The following DLC1 variants were observed in gnomAD, a reference collection of about 807,000 sequenced individuals.
DLC1 encodes the protein rho GTPase-activating protein 7.
DLC1 carries 54 observed loss-of-function variants against 140.3 expected under a neutral mutation model. That is an observed-to-expected ratio of 0.38 (90% CI 0.31 to 0.48). The LOEUF (loss-of-function observed/expected upper bound fraction) is 0.48. DLC1 is among the 20% of genes least tolerant of loss of function. The pLI, the probability that DLC1 is intolerant of heterozygous loss-of-function variation, is 0.96. For missense variants in DLC1, 2,536 were observed against 1,907.0 expected (o/e 1.33, Z -6.14); for synonymous variants, 986 against 728.1 (o/e 1.35, Z -5.70).
chr8:13,359,395 G>T (rs1309551978), intron 4 of DLC1, among the ~76,000 whole-genome samples: 2 of 152,146 alleles, frequency 1.3e-5, no homozygotes, highest in Non-Finnish European at 2.9e-5. Context: ...GGGCAAATGG[G>T]TCTTACTTCA....
chr8:13,154,511 G>A (rs576763193), intron 5 of DLC1, among the ~76,000 whole-genome samples: 1 of 152,302 alleles, frequency 6.6e-6, no homozygotes, highest in East Asian at 1.9e-4. Flanking sequence ...TGCCGAGCCC[G>A]AGCCCATCCG....
intron 4 of DLC1, among the ~76,000 whole-genome samples, chr8:13,306,897 A>T (rs2117528363): frequency 6.6e-6 from 1 of 151,714 alleles, no homozygotes; most frequent in East Asian, 1.9e-4. Context: ...CAGCCTGACT[A>T]GCATGGTGAA....
At chr8:13,180,575 C>T (rs972866459) in intron 5 of DLC1, among the ~76,000 whole-genome samples, 2 of 152,092 alleles carry the variant, frequency 1.3e-5, no homozygotes, top group African/African-American at 4.8e-5. Flanking sequence ...CAATAACTTT[C>T]ACCGAGAAGC....
At chr8:13,345,768 A>C (rs543479811) in intron 4 of DLC1, among the ~76,000 whole-genome samples, 4 of 151,996 alleles carry the variant, frequency 2.6e-5, no homozygotes, top group African/African-American at 9.7e-5. Flanking sequence ...CATGTTGGCC[A>C]GGCTGGTCTC....
intron 5 of DLC1, among the ~76,000 whole-genome samples, chr8:13,218,505 T>C (rs1381837869): frequency 1.3e-5 from 2 of 151,930 alleles, no homozygotes; most frequent in African/African-American, 4.8e-5. Flanking sequence ...TGATAATGCC[T>C]AACATACATG....
intron 1 of DLC1, among the ~76,000 whole-genome samples, chr8:13,581,319 T>G (rs755989977): frequency 2.0e-5 from 3 of 152,212 alleles, no homozygotes; most frequent in Non-Finnish European, 2.9e-5. Flanking sequence ...CGGAACCATT[T>G]GCTTCTAAAT....
chr8:13,285,314 A>C (rs1439001509), intron 5 of DLC1, among the ~76,000 whole-genome samples: 1 of 152,186 alleles, frequency 6.6e-6, no homozygotes, highest in Non-Finnish European at 1.5e-5. Flanking sequence ...GTTATCAACA[A>C]CTGGGGTGCT....
chr8:13,305,064 C>A, intron 5 of DLC1: 1 of 1,226,660 alleles, frequency 8.2e-7, no homozygotes. Flanking sequence ...ATATCTTATT[C>A]TAACACAATG....
rs1838386270 is a variant in DLC1, at chr8:13,422,990, A to G, written c.1024-21371T>C. Among the ~76,000 whole-genome samples, 4 of 152,200 alleles carry G rather than the reference A, an allele frequency of 2.6e-5. 1 individual carries two copies. In the South Asian group the frequency reaches 8.3e-4, roughly 31 times the overall value. ...ATGGTGTGATGGGAAATCACAGGGC[A>G]TAGACATATTAACAAAATAGGTGTA... On this transcript the variant is annotated intron_variant, in intron 2 of 17. Coordinates refer to ENST00000276297, the MANE Select transcript of DLC1 (RefSeq NM_182643.3).
intron 12 of DLC1, among the ~76,000 whole-genome samples, chr8:13,094,112 A>G (rs1818305498): frequency 6.6e-6 from 1 of 152,230 alleles, no homozygotes. Context: ...ATTTCTGTAG[A>G]CAAGGTGGAG....
rs767412109 is a variant in DLC1, at chr8:13,091,300, A to G, written c.3855+18T>C. ...CACATTATCCTTAATAAAGGAGCCA[A>G]ACTTCTCAATTCCTTACCTGGAAAA... On this transcript the variant is annotated intron_variant, in intron 14 of 17. Coordinates refer to ENST00000276297, the MANE Select transcript of DLC1 (RefSeq NM_182643.3). The G allele has an allele frequency of 2.5e-6, 4 of 1,613,330 alleles. No individual in the cohort carries two copies. The East Asian group carries it at 6.7e-5, about 27-fold the overall frequency.
In DLC1 at chr8:13,492,648, A is replaced by G. The variant is rs1801310808; in HGVS notation, c.1023+6401T>C. 1.3e-5 allele frequency among the ~76,000 whole-genome samples: 2 copies of G among 152,062 alleles called. 1 individual carries two copies. On this transcript the variant is annotated intron_variant, in intron 2 of 17. Coordinates refer to ENST00000276297, the MANE Select transcript of DLC1 (RefSeq NM_182643.3). ...GTGACTAGATGCTTTGCAATGGAAT[A>G]AAGTCTGCTAACTGGCTCATGGTGG...
At chr8:13,171,163 A>G (rs1825450897) in intron 5 of DLC1, among the ~76,000 whole-genome samples, 1 of 152,206 alleles carries the variant, frequency 6.6e-6, no homozygotes, top group Non-Finnish European at 1.5e-5. Context: ...TTGCAATTAG[A>G]GATTTGGGCA....
chr8:13,136,613 G>A (rs930167260), intron 5 of DLC1, among the ~76,000 whole-genome samples: 2 of 152,172 alleles, frequency 1.3e-5, no homozygotes, highest in Non-Finnish European at 2.9e-5. Flanking sequence ...ATCCCACTGA[G>A]GACAAGAGGA....
At position 13,499,349 on chromosome 8, in the gene DLC1, A is replaced by T. The variant is rs182488013; in HGVS notation, c.723T>A (p.Pro241=). Reference sequence around the variant, plus strand: ...AGGTGCTTCTTTCATTTTCATCTTTAGGGGGGTCAGGTTTCCTTCGTTGCT... The same window carrying T: ...AGGTGCTTCTTTCATTTTCATCTTTTGGGGGGTCAGGTTTCCTTCGTTGCT... ...IAQQRRKPDP[P]KDENERSTCN... The change falls in exon 2 of 18, where the codon CCT becomes CCA. Residue 241 remains proline, a synonymous_variant. Transcript: ENST00000276297. 1.9e-6 allele frequency: 3 copies of T among 1,613,912 alleles called. No individual in the cohort carries two copies. In the African/African-American group the frequency reaches 4.0e-5, roughly 22 times the overall value.
chr8:13,088,750 C>A, intron 15 of DLC1, 46 bp from the exon 16 acceptor site: 1 of 1,573,296 alleles, frequency 6.4e-7, no homozygotes, highest in South Asian at 1.2e-5. Flanking sequence ...TCCATACACA[C>A]CTAGTTTTTG....
chr8:13,420,868 C>T (rs569537208), intron 2 of DLC1, among the ~76,000 whole-genome samples: 5 of 152,054 alleles, frequency 3.3e-5, no homozygotes, highest in Middle Eastern at 3.4e-3. Flanking sequence ...AATTTTAGGC[C>T]GTATGTATGA....
intron 7 of DLC1, among the ~76,000 whole-genome samples, chr8:13,107,422 G>C (rs1001265105): frequency 2.0e-5 from 3 of 152,156 alleles, no homozygotes; most frequent in Admixed American, 2.0e-4. Flanking sequence ...CAGTACAAGG[G>C]GAGGAGGTAG....
At position 13,085,845 on chromosome 8, in the gene DLC1, T is replaced by C; in HGVS notation, c.4553A>G (p.Gln1518Arg). The C allele has an allele frequency of 1.9e-6, 3 of 1,614,198 alleles. No individual in the cohort carries two copies. The highest frequency in any genetic ancestry group is 2.5e-6 in the Non-Finnish European group (3 of 1,180,030). The change falls in exon 18 of 18, where the codon CAG (glutamine) becomes CGG (arginine). Residue 1518 changes from glutamine (Q) to arginine (R), a missense_variant. Physicochemically the swap from Gln to Arg is conservative, Grantham distance 43. Transcript: ENST00000276297. ...TTTGGTGTCTTTGGTTTCAGTGTTC[T>C]GGTTACTGAAGGAATCCCGGATCTT... is the stretch of plus-strand genomic sequence containing the variant. ...VVKIRDSFSNQNTETKDTKSR is the reference protein window; with the variant it reads ...VVKIRDSFSNRNTETKDTKSR
Sources: gnomAD v4.1 joint callset for allele counts (sites outside exome capture counted in the v4.1 genomes callset) on GRCh38, gnomAD v4.1.1 for gene constraint, MANE v1.5 for transcripts, NCBI Gene and HGNC (gene_info 2026-07-23, HGNC 2026-07-21) for gene names.